ITPR1: variants seen among roughly 807,000 people sequenced by gnomAD.
ITPR1 encodes the protein inositol 1,4,5-trisphosphate receptor type 1.
ITPR1 carries 96 observed loss-of-function variants against 318.4 expected under a neutral mutation model. The observed-to-expected ratio is 0.30, with a 90% confidence interval of 0.26 to 0.36. ITPR1 has a LOEUF of 0.36. Among genes scored for constraint, ITPR1 ranks in the 10% least tolerant of loss-of-function variants. ITPR1 has a pLI of 1.00. For synonymous variants in ITPR1, 1,312 were observed against 1,289.9 expected (o/e 1.02, Z -0.37); for missense variants, 2,440 against 3,460.2 (o/e 0.71, Z 7.40).
At chr3:4,616,880 G>T (rs773217934) in intron 4 of ITPR1, among the ~76,000 whole-genome samples, 1 of 152,120 alleles carries the variant, frequency 6.6e-6, no homozygotes, top group Non-Finnish European at 1.5e-5. Context: ...TCATGGTGGG[G>T]TCTTGTGATT....
At chr3:4,767,790 T>A (rs1450417555) in intron 45 of ITPR1, among the ~76,000 whole-genome samples, 1 of 152,260 alleles carries the variant, frequency 6.6e-6, no homozygotes, top group African/African-American at 2.4e-5. Flanking sequence ...GCTGGGATTA[T>A]AGTCCAGCCA....
chr3:4,797,887 A>G (rs2047994131), intron 53 of ITPR1, among the ~76,000 whole-genome samples: 1 of 152,236 alleles, frequency 6.6e-6, no homozygotes, highest in African/African-American at 2.4e-5. Flanking sequence ...TAAAATATGT[A>G]TAATCACCAT....
At chr3:4,824,078 T>G (rs1392377973) in intron 60 of ITPR1, among the ~76,000 whole-genome samples, 1 of 152,202 alleles carries the variant, frequency 6.6e-6, no homozygotes, top group Non-Finnish European at 1.5e-5. Flanking sequence ...CTCTGGCTAC[T>G]TCTGTAGGAC....
chr3:4,676,907 G>A (rs1458795896), intron 24 of ITPR1, 106 bp downstream of exon 24: 4 of 817,104 alleles, frequency 4.9e-6, no homozygotes, highest in Non-Finnish European at 5.7e-6. Context: ...GAAGAAAATG[G>A]GGGCAAATCC....
chr3:4,643,620 T>C (rs1157946326), intron 7 of ITPR1, among the ~76,000 whole-genome samples: 3 of 152,122 alleles, frequency 2.0e-5, no homozygotes, highest in Admixed American at 2.0e-4. Flanking sequence ...AACTTTTGTT[T>C]TAGTTACATA....
chr3:4,814,391 T>C (rs769532369), intron 57 of ITPR1, 32 bp from the exon 58 acceptor site: 15 of 1,613,034 alleles, frequency 9.3e-6, no homozygotes, highest in Non-Finnish European at 1.2e-5. Flanking sequence ...CTCCTCACGT[T>C]TTCTCTCTGT....
intron 4 of ITPR1, among the ~76,000 whole-genome samples, chr3:4,521,578 A>C (rs138348251): frequency 0.01 from 1,556 of 152,226 alleles, 24 homozygotes; most frequent in African/African-American, 0.035. Flanking sequence ...GGCTGGGCAC[A>C]GTGGCGCATG....
intron 61 of ITPR1, among the ~76,000 whole-genome samples, chr3:4,843,896 A>G (rs1292077885): frequency 6.6e-6 from 1 of 152,154 alleles, no homozygotes; most frequent in African/African-American, 2.4e-5. Flanking sequence ...GAAGAGAAAG[A>G]CTAACTGACA....
chr3:4,638,789 A>T (rs1191148834), intron 5 of ITPR1, among the ~76,000 whole-genome samples: 2 of 152,196 alleles, frequency 1.3e-5, no homozygotes, highest in African/African-American at 4.8e-5. Flanking sequence ...CGGAATGATT[A>T]TAAAATTGAT....
intron 4 of ITPR1, among the ~76,000 whole-genome samples, chr3:4,576,329 TG>T (rs2088654250): frequency 6.6e-6 from 1 of 152,202 alleles, no homozygotes; most frequent in African/African-American, 2.4e-5. Flanking sequence ...AAGAATATCT[TG>T]GTAACAAGTT....
chr3:4,685,854 C>T (rs1379636457), intron 30 of ITPR1, among the ~76,000 whole-genome samples: 1 of 152,120 alleles, frequency 6.6e-6, no homozygotes, highest in Non-Finnish European at 1.5e-5. Context: ...AAGACCCACT[C>T]GGGTATTTGT....
chr3:4,721,480 C>G (rs2042159298), intron 40 of ITPR1, among the ~76,000 whole-genome samples: 1 of 151,990 alleles, frequency 6.6e-6, no homozygotes, highest in Non-Finnish European at 1.5e-5. Context: ...TTCTTTAAAG[C>G]TTTCTGTTTT....
At chr3:4,790,488 ACTAT>A (rs2047485606) in intron 52 of ITPR1, among the ~76,000 whole-genome samples, 1 of 152,228 alleles carries the variant, frequency 6.6e-6, no homozygotes, top group South Asian at 2.1e-4. Flanking sequence ...TGGCTTCAAA[ACTAT>A]CTGCTGGTAA....
chr3:4,798,987 A>G (rs1250063422), intron 53 of ITPR1, among the ~76,000 whole-genome samples: 4 of 152,258 alleles, frequency 2.6e-5, no homozygotes, highest in Admixed American at 2.6e-4. Context: ...AGTGATAAAA[A>G]TGTTCTGTAT....
intron 4 of ITPR1, among the ~76,000 whole-genome samples, chr3:4,601,932 A>G (rs1156433193): frequency 6.6e-6 from 1 of 152,262 alleles, no homozygotes. Flanking sequence ...TAAATGGCTA[A>G]TAAGCACATG....
At chr3:4,508,991 A>G (rs2081601609) in intron 2 of ITPR1, among the ~76,000 whole-genome samples, 1 of 152,236 alleles carries the variant, frequency 6.6e-6, no homozygotes, top group African/African-American at 2.4e-5. Context: ...AAGTAGAGGA[A>G]TCACAGGACA....
chr3:4,721,007 T>C (rs564676162), intron 40 of ITPR1, among the ~76,000 whole-genome samples: 5 of 151,906 alleles, frequency 3.3e-5, no homozygotes, highest in African/African-American at 1.2e-4. Context: ...TCAGCAGTAA[T>C]TGCCAATAAA....
At chr3:4,688,387 C>A in intron 30 of ITPR1, 108 bp from the exon 31 acceptor site, 1 of 1,345,362 alleles carries the variant, frequency 7.4e-7, no homozygotes, top group Non-Finnish European at 1.0e-6. Context: ...CACAACAGGT[C>A]CCCAGCAAAC....
chr3:4,676,485 G>C (rs2094188013), intron 23 of ITPR1, 129 bp from the exon 24 acceptor site: 1 of 643,980 alleles, frequency 1.6e-6, no homozygotes. Flanking sequence ...CAGGTTTCCA[G>C]GGTCCTGAGA....
Sources: gnomAD v4.1 joint callset for allele counts (sites outside exome capture counted in the v4.1 genomes callset) on GRCh38, gnomAD v4.1.1 for gene constraint, MANE v1.5 for transcripts, NCBI Gene and HGNC (gene_info 2026-07-23, HGNC 2026-07-21) for gene names.